PDE7B: variants seen among roughly 807,000 people sequenced by gnomAD.
The protein encoded by PDE7B is 3',5'-cyclic-AMP phosphodiesterase 7B.
In PDE7B, 29 loss-of-function variants were observed where a neutral mutation model predicts 56.2. The ratio of observed to expected loss-of-function variants is 0.52; its 90% CI spans 0.38 to 0.70. The LOEUF (loss-of-function observed/expected upper bound fraction) is 0.70, where lower values mean the gene tolerates loss of function less well. PDE7B is among the 30% of genes least tolerant of loss of function. PDE7B has a pLI of 0.00. For missense variants in PDE7B, 490 were observed against 565.0 expected (o/e 0.87, Z 1.35); for synonymous variants, 197 against 196.9 (o/e 1.00, Z 0.00).
intron 2 of PDE7B, among the ~76,000 whole-genome samples, chr6:136,081,294 G>A (rs186761126): frequency 7.9e-5 from 12 of 152,270 alleles, no homozygotes; most frequent in Admixed American, 7.8e-4. Flanking sequence ...GAAACTAGGG[G>A]ACTACTGAAG....
chr6:136,100,476 A>C (rs986290780), intron 2 of PDE7B, among the ~76,000 whole-genome samples: 1 of 152,142 alleles, frequency 6.6e-6, no homozygotes, highest in African/African-American at 2.4e-5. Flanking sequence ...TTCTCCTTGA[A>C]GAGGTCCTTC....
Position 136,051,142 on chromosome 6 carries a change from G to A in PDE7B, c.83-57589G>A, listed in dbSNP as rs543952275. Among the ~76,000 whole-genome samples the A allele has an allele frequency of 2.8e-4, 43 of 151,022 alleles. 1 individual carries two copies. In the South Asian group the frequency reaches 8.2e-3, roughly 29 times the overall value. ...GACAGTGAGTGAGGGGAGTGGGGGC[G>A]GGCAGAGATTTCTGATGTTATTCTT... On this transcript the variant is annotated intron_variant, in intron 2 of 12. Transcript: ENST00000308191.
At chr6:136,050,280 A>ATG (rs1168853169) in intron 2 of PDE7B, among the ~76,000 whole-genome samples, 2 of 152,198 alleles carry the variant, frequency 1.3e-5, no homozygotes, top group African/African-American at 4.8e-5. Flanking sequence ...TACATGTGAT[A>ATG]TGTATACACA....
chr6:136,181,521 A>G (rs1447751677), intron 11 of PDE7B, among the ~76,000 whole-genome samples, 198 bp downstream of exon 11: 1 of 152,262 alleles, frequency 6.6e-6, no homozygotes, highest in East Asian at 1.9e-4. Flanking sequence ...ACATTGACGT[A>G]TTGACTTACT....
At chr6:135,870,754 A>T (rs964294989) in intron 1 of PDE7B, among the ~76,000 whole-genome samples, 13 of 152,024 alleles carry the variant, frequency 8.6e-5, no homozygotes, top group Middle Eastern at 3.4e-3. Context: ...CAGAAGAGAG[A>T]TGAAAACTGA....
In PDE7B at chr6:136,102,832, T is replaced by G. The variant is rs140179047; in HGVS notation, c.83-5899T>G. On this transcript the variant is annotated intron_variant, in intron 2 of 12. Coordinates refer to ENST00000308191, the MANE Select transcript of PDE7B (RefSeq NM_018945.4). ...AACAAACACACTACTATTTACATAT[T>G]CACTTTTCAGCATTCAAGTTCCAAA... Among the ~76,000 whole-genome samples, 605 of 152,310 alleles carry G rather than the reference T, an allele frequency of 4.0e-3. 3 individuals are homozygous for G. Among genetic ancestry groups the G allele is most frequent in the Non-Finnish European group, 4.8e-3 (326 of 68,022 alleles).
intron 2 of PDE7B, among the ~76,000 whole-genome samples, chr6:136,082,094 G>A (rs1583871057): frequency 6.6e-6 from 1 of 152,162 alleles, no homozygotes; most frequent in Non-Finnish European, 1.5e-5. Context: ...GGCTTTGAGC[G>A]AGAGTAACTT....
intron 1 of PDE7B, among the ~76,000 whole-genome samples, chr6:135,885,251 C>T (rs185290578): frequency 6.6e-6 from 1 of 152,070 alleles, no homozygotes. Context: ...CTCATAAAGC[C>T]TGTCATCATG....
chr6:136,098,997 C>A (rs999756229), intron 2 of PDE7B, among the ~76,000 whole-genome samples: 1 of 133,254 alleles, frequency 7.5e-6, no homozygotes, highest in African/African-American at 2.7e-5. Flanking sequence ...CATCATTTAA[C>A]TCCCAGTTAT....
intron 3 of PDE7B, among the ~76,000 whole-genome samples, chr6:136,143,554 C>T (rs2128446271): frequency 6.6e-6 from 1 of 151,810 alleles, no homozygotes; most frequent in Non-Finnish European, 1.5e-5. Flanking sequence ...AAATAAAGAT[C>T]CAAAGAGGTC....
At position 136,181,361 on chromosome 6, in the gene PDE7B, G is replaced by A. The variant is rs372979260; in HGVS notation, c.1045+38G>A. 2.2e-5 allele frequency: 28 copies of A among 1,259,154 alleles called. No homozygotes were observed. The Middle Eastern group carries it at 5.5e-4, about 25-fold the overall frequency. 78.0% of individuals were successfully genotyped at this position (1,259,154 alleles called of 1,614,324 possible). A position where few individuals can be genotyped will look rare whatever the true frequency, so the allele number is the denominator to read the frequency against. ...CCAACAGCTGAGATTTCATTGCCCTGTCTTCTTTTAGGCATTTATCCTAAT... is the reference window on the plus strand; with the variant it reads ...CCAACAGCTGAGATTTCATTGCCCTATCTTCTTTTAGGCATTTATCCTAAT... On this transcript the variant is annotated intron_variant, in intron 11 of 12. Coordinates refer to ENST00000308191, the MANE Select transcript of PDE7B (RefSeq NM_018945.4).
At chr6:135,909,904 T>C (rs1776183124) in intron 1 of PDE7B, among the ~76,000 whole-genome samples, 1 of 152,044 alleles carries the variant, frequency 6.6e-6, no homozygotes, top group South Asian at 2.1e-4. Context: ...TGGGACTAGC[T>C]CTAGGCTGAA....
At chr6:135,950,659 G>T (rs764636019) in intron 2 of PDE7B, among the ~76,000 whole-genome samples, 1 of 152,034 alleles carries the variant, frequency 6.6e-6, no homozygotes, top group Admixed American at 6.6e-5. Context: ...TCCAGGTTTG[G>T]GTGCCTGCTG....
intron 3 of PDE7B, among the ~76,000 whole-genome samples, chr6:136,143,134 A>G (rs1376584787): frequency 6.6e-6 from 1 of 152,080 alleles, no homozygotes; most frequent in African/African-American, 2.4e-5. Context: ...GAGCTCTTTT[A>G]GGGCAGGCCT....
At chr6:136,154,526 A>G (rs904325227) in intron 7 of PDE7B, among the ~76,000 whole-genome samples, 4 of 152,116 alleles carry the variant, frequency 2.6e-5, no homozygotes, top group African/African-American at 9.7e-5. Context: ...CAGCACCAGC[A>G]TTGAACTTTG....
chr6:135,920,253 A>G (rs1332936422), intron 1 of PDE7B, among the ~76,000 whole-genome samples: 1 of 152,158 alleles, frequency 6.6e-6, no homozygotes, highest in African/African-American at 2.4e-5. Context: ...GCTTCATATC[A>G]TTTCCAATTA....
chr6:136,118,143 C>T (rs1440475807), intron 3 of PDE7B, among the ~76,000 whole-genome samples: 1 of 152,176 alleles, frequency 6.6e-6, no homozygotes, highest in African/African-American at 2.4e-5. Context: ...TCTCTCTCTG[C>T]TGAGTACATC....
At chr6:135,894,852 G>A (rs1007742468) in intron 1 of PDE7B, among the ~76,000 whole-genome samples, 7 of 151,984 alleles carry the variant, frequency 4.6e-5, no homozygotes, top group African/African-American at 9.7e-5. Context: ...TTTCTACTCC[G>A]TGAAATAAAA....
chr6:135,906,584 G>A (rs1353886788), intron 1 of PDE7B, among the ~76,000 whole-genome samples: 10 of 152,062 alleles, frequency 6.6e-5, no homozygotes, highest in African/African-American at 1.2e-4. Flanking sequence ...AGAGGAAGAC[G>A]CTAGAAATGT....
Sources: gnomAD v4.1 joint callset for allele counts (sites outside exome capture counted in the v4.1 genomes callset) on GRCh38, gnomAD v4.1.1 for gene constraint, MANE v1.5 for transcripts, NCBI Gene and HGNC (gene_info 2026-07-23, HGNC 2026-07-21) for gene names.